The following LONP2 variants were observed in gnomAD, a reference collection of about 807,000 sequenced individuals.
LONP2 encodes lon peptidase 2, peroxisomal.
In LONP2, 60 loss-of-function variants were observed where a neutral mutation model predicts 85.6. The ratio of observed to expected loss-of-function variants is 0.70; its 90% CI spans 0.57 to 0.87. The LOEUF (loss-of-function observed/expected upper bound fraction) is 0.87. Among genes scored for constraint, LONP2 ranks in the 40% least tolerant of loss-of-function variants. The probability of loss-of-function intolerance (pLI) is 0.00; values close to 1 mark genes in which losing one functional copy is unlikely to be tolerated. For missense variants in LONP2, 860 were observed against 1,063.5 expected, an observed-to-expected ratio of 0.81 and a Z score of 2.66; for synonymous variants, 395 against 389.7, an observed-to-expected ratio of 1.01 and a Z score of -0.16.
At chr16:48,342,646 C>A (rs979246893) in intron 12 of LONP2, among the ~76,000 whole-genome samples, 9 of 152,222 alleles carry the variant, frequency 5.9e-5, no homozygotes, top group Non-Finnish European at 1.3e-4. Context: ...GACCCCAACA[C>A]CTCTCCAAGG....
intron 6 of LONP2, among the ~76,000 whole-genome samples, chr16:48,267,425 A>G (rs973666357): frequency 6.6e-6 from 1 of 151,742 alleles, no homozygotes; most frequent in African/African-American, 2.4e-5. Context: ...TCAGCCTCTC[A>G]AGTAGCTGGG....
At chr16:48,261,642 T>G (rs1971881368) in intron 5 of LONP2, 55 bp downstream of exon 5, 1 of 1,284,618 alleles carries the variant, frequency 7.8e-7, no homozygotes, top group Non-Finnish European at 1.1e-6. Context: ...TACTCCTGAT[T>G]AACACCACTT....
chr16:48,362,435 A>G lies in LONP2; in HGVS notation c.*572A>G. On this transcript the variant is annotated 3_prime_UTR_variant, in exon 5 of 5. Transcript: ENST00000565867. The surrounding 1 kb of genome is among the most constrained non-coding windows in gnomAD (Gnocchi z 4.2). Reference sequence around the variant, plus strand: ...TAGCAGTCTGACGGCTCATTTCTGAAATAAATACATAAGGAGGCAGGAGAA... The same window carrying G: ...TAGCAGTCTGACGGCTCATTTCTGAGATAAATACATAAGGAGGCAGGAGAA... 6.2e-7 allele frequency: 1 copy of G among 1,613,820 alleles called. No homozygotes were observed. The highest frequency in any genetic ancestry group is 8.5e-7 in the Non-Finnish European group (1 of 1,179,830).
downstream of LONP2, chr16:48,360,724 G>GA (rs949550130): frequency 6.6e-6 from 1 of 152,562 alleles, no homozygotes; most frequent in Non-Finnish European, 1.5e-5. Context: ...TCTGAAAAAG[G>GA]AAACAAAAGC....
At chr16:48,349,413 A>G (rs1284649569) in intron 14 of LONP2, among the ~76,000 whole-genome samples, 1 of 152,122 alleles carries the variant, frequency 6.6e-6, no homozygotes, top group Non-Finnish European at 1.5e-5. Context: ...TGGGATTACA[A>G]GCATGCGCCA....
intron 8 of LONP2, 53 bp downstream of exon 8, chr16:48,277,532 G>T: frequency 6.4e-7 from 1 of 1,562,938 alleles, no homozygotes; most frequent in East Asian, 2.3e-5. Flanking sequence ...GTATGGAGGA[G>T]GGTTGATAAT....
intron 11 of LONP2, among the ~76,000 whole-genome samples, chr16:48,304,006 T>C (rs953379879): frequency 1.3e-5 from 2 of 152,218 alleles, no homozygotes; most frequent in African/African-American, 4.8e-5. Flanking sequence ...TAATCTCCTT[T>C]GACTATATCC....
chr16:48,299,753 G>C lies in LONP2; in HGVS notation c.1626G>C (p.Gln542His), dbSNP rs1185353494. The C allele has an allele frequency of 1.9e-6, 3 of 1,613,978 alleles. No homozygotes were observed. The highest frequency in any genetic ancestry group is 4.5e-5 in the East Asian group (2 of 44,874). Residue 542 changes from glutamine (Q) to histidine (H), a missense_variant, in exon 10 of 15, where the codon CAG becomes CAC. Coordinates refer to ENST00000285737, the MANE Select transcript of LONP2 (RefSeq NM_031490.5). ...EQHGLTPQQI[Q>H]IPQVTTLDII... ...ATGGGCTGACTCCACAGCAGATTCA[G>C]ATACCCCAGGTCACCACTCTTGACA...
intron 1 of LONP2, among the ~76,000 whole-genome samples, chr16:48,247,819 G>A (rs1455547911): frequency 6.6e-6 from 1 of 151,972 alleles, no homozygotes; most frequent in Admixed American, 6.6e-5. Context: ...TCATAGTGCC[G>A]ACTTCTCAGT....
intron 11 of LONP2, among the ~76,000 whole-genome samples, chr16:48,316,323 CTTTT>C (rs776343152): frequency 4.7e-5 from 5 of 106,006 alleles, no homozygotes; most frequent in African/African-American, 1.8e-4. Flanking sequence ...CCATTGGATT[CTTTT>C]TTTTTTTTTT....
At chr16:48,318,694 G>A (rs1477890291) in intron 11 of LONP2, among the ~76,000 whole-genome samples, 1 of 152,162 alleles carries the variant, frequency 6.6e-6, no homozygotes, top group African/African-American at 2.4e-5. Flanking sequence ...TAGAGCCAAG[G>A]GGTCAGAGTG....
At chr16:48,320,250 A>G (rs543591384) in intron 11 of LONP2, among the ~76,000 whole-genome samples, 146 of 152,276 alleles carry the variant, frequency 9.6e-4, no homozygotes, top group African/African-American at 3.2e-3. Context: ...TTTCTTATCA[A>G]AGACCCAGGT....
At chr16:48,260,295 A>T (rs1248884815) in intron 4 of LONP2, among the ~76,000 whole-genome samples, 1 of 152,196 alleles carries the variant, frequency 6.6e-6, no homozygotes, top group African/African-American at 2.4e-5. Flanking sequence ...TAAATTTTCC[A>T]GGTTAAAAAA....
chr16:48,308,301 AACTGAACC>A (rs1297882526), intron 11 of LONP2, among the ~76,000 whole-genome samples: 2 of 152,138 alleles, frequency 1.3e-5, no homozygotes, highest in Non-Finnish European at 2.9e-5. Context: ...GAAAGAATGA[AACTGAACC>A]ACTCTCTCTC....
chr16:48,362,348 G>A, downstream of LONP2: 1 of 1,614,208 alleles, frequency 6.2e-7, no homozygotes, highest in Admixed American at 1.7e-5. The surrounding 1 kb of genome is among the most constrained non-coding windows in gnomAD (Gnocchi z 4.2). Flanking sequence ...ATGCAGTTGT[G>A]CCAGTCAGGG....
At chr16:48,348,693 T>G (rs1960050784) in intron 14 of LONP2, among the ~76,000 whole-genome samples, 1 of 152,098 alleles carries the variant, frequency 6.6e-6, no homozygotes, top group African/African-American at 2.4e-5. Context: ...AGGGTCTCTC[T>G]GTGTTGTCCA....
intron 11 of LONP2, 84 bp from the exon 12 acceptor site, chr16:48,334,132 G>A: frequency 7.7e-7 from 1 of 1,304,960 alleles, no homozygotes; most frequent in South Asian, 1.3e-5. Flanking sequence ...AGGTCCACTG[G>A]GCTTTTGTTT....
intron 7 of LONP2, among the ~76,000 whole-genome samples, chr16:48,275,529 T>C (rs1396614438): frequency 6.6e-6 from 1 of 152,168 alleles, no homozygotes; most frequent in Non-Finnish European, 1.5e-5. Flanking sequence ...CAGTAAGTGC[T>C]GTAGACATTG....
chr16:48,334,562 T>C (rs1959580515), intron 12 of LONP2: 2 of 694,724 alleles, frequency 2.9e-6, no homozygotes. Context: ...AGCACAGCTC[T>C]TGTGGCACAT....
Sources: allele counts gnomAD v4.1 joint callset (sites outside exome capture counted in the v4.1 genomes callset), GRCh38; gene constraint gnomAD v4.1.1; non-coding constraint Gnocchi (gnomAD v3.1); transcripts MANE v1.5; gene names NCBI Gene and HGNC (gene_info 2026-07-23, HGNC 2026-07-21).